The following OSBPL5 variants were observed in gnomAD, a reference collection of about 807,000 sequenced individuals.
OSBPL5 encodes oxysterol-binding protein-related protein 5.
Under a neutral mutation model 111.2 loss-of-function variants are expected in OSBPL5, and 71 were observed. The observed-to-expected ratio is 0.64, with a 90% confidence interval of 0.53 to 0.78. The LOEUF (loss-of-function observed/expected upper bound fraction) is 0.78. OSBPL5 is among the 30% of genes least tolerant of loss of function. OSBPL5 has a pLI of 0.00. For synonymous variants in OSBPL5, 549 were observed against 513.9 expected (o/e 1.07, Z -0.93); for missense variants, 1,210 against 1,189.3 (o/e 1.02, Z -0.26).
At chr11:3,114,367 G>C (rs1310120713) in intron 7 of OSBPL5, among the ~76,000 whole-genome samples, 1 of 151,972 alleles carries the variant, frequency 6.6e-6, no homozygotes, top group Non-Finnish European at 1.5e-5. Context: ...TAGTCCTAGA[G>C]TAAAATGACT....
In OSBPL5 at chr11:3,088,056, C is replaced by CT; in HGVS notation, c.*148dup. 5 of 732,718 alleles carry CT rather than the reference C, an allele frequency of 6.8e-6. No homozygotes were observed. Among genetic ancestry groups the CT allele is most frequent in the South Asian group, 2.6e-5 (1 of 38,930 alleles). The allele number at this position is 732,718 out of a possible 1,614,324, so 45.4% of individuals were successfully genotyped here. A position where few individuals can be genotyped will look rare whatever the true frequency, so the allele number is the denominator to read the frequency against. On this transcript the variant is annotated 3_prime_UTR_variant, in exon 22 of 22. Transcript: ENST00000263650. ...CCCAGCACACCTGGGCCCGCAGCGC[C>CT]TTGTGGCCCCGGGTCCCTCCTGCGC...
At chr11:3,103,754 C>T (rs1857556635) in intron 10 of OSBPL5, among the ~76,000 whole-genome samples, 1 of 36,680 alleles carries the variant, frequency 2.7e-5, no homozygotes, top group African/African-American at 8.1e-5. Flanking sequence ...AACCCTCTTC[C>T]AGCTCTGCAG....
intron 1 of OSBPL5, among the ~76,000 whole-genome samples, chr11:3,158,646 A>G (rs930137664): frequency 3.3e-5 from 5 of 152,250 alleles, no homozygotes; most frequent in Admixed American, 1.3e-4. Context: ...GGTCAGTGAC[A>G]CATGAGGCCT....
intron 1 of OSBPL5, among the ~76,000 whole-genome samples, chr11:3,143,581 C>A (rs1489956142): frequency 6.6e-6 from 1 of 152,228 alleles, no homozygotes; most frequent in African/African-American, 2.4e-5. Context: ...CAGAGATGCA[C>A]CAAGTCAAAG....
intron 1 of OSBPL5, among the ~76,000 whole-genome samples, chr11:3,135,044 GCTC>G (rs1845911872): frequency 6.6e-6 from 1 of 152,218 alleles, no homozygotes; most frequent in Non-Finnish European, 1.5e-5. Context: ...TCTGCAGGGG[GCTC>G]CTCCTTCTTC....
chr11:3,160,546 C>T (rs1467914106), intron 1 of OSBPL5, among the ~76,000 whole-genome samples: 1 of 152,216 alleles, frequency 6.6e-6, no homozygotes, highest in Non-Finnish European at 1.5e-5. Context: ...TCTTATTCGC[C>T]GCAATAGCTG....
rs534754244 is a variant in OSBPL5, at chr11:3,106,481, G to A, written c.1059+782C>T. Among the ~76,000 whole-genome samples, 2 of 151,948 alleles carry A rather than the reference G, an allele frequency of 1.3e-5. No individual in the cohort carries two copies. Among genetic ancestry groups the A allele is most frequent in the East Asian group, 3.9e-4 (2 of 5,128 alleles). On this transcript the variant is annotated intron_variant, in intron 9 of 21. Transcript: ENST00000263650. The surrounding 1 kb of genome is among the most constrained non-coding windows in gnomAD (Gnocchi z 8.4). ...CACCCAGCGGAAGCTTAGATCCTGT[G>A]ATTCCTTCCGGACTCCCCTTCCTGA...
intron 19 of OSBPL5, among the ~76,000 whole-genome samples, chr11:3,091,034 G>A (rs543654292): frequency 2.0e-3 from 310 of 152,364 alleles, no homozygotes; most frequent in African/African-American, 6.9e-3. Flanking sequence ...GGGGGCCGAG[G>A]GTGGTTCTGA....
chr11:3,143,635 C>T (rs552883699), intron 1 of OSBPL5, among the ~76,000 whole-genome samples: 89 of 152,374 alleles, frequency 5.8e-4, no homozygotes, highest in African/African-American at 1.9e-3. Context: ...TCCACGCCCA[C>T]GCAGTGTCCA....
chr11:3,128,891 C>G, intron 2 of OSBPL5, 122 bp downstream of exon 2: 2 of 957,718 alleles, frequency 2.1e-6, no homozygotes, highest in Non-Finnish European at 2.8e-6. Context: ...ATCATGAAAC[C>G]CACACAGTCC....
intron 12 of OSBPL5, 25 bp downstream of exon 12, chr11:3,102,157 GC>G (rs749782749): frequency 8.3e-6 from 13 of 1,567,006 alleles, no homozygotes; most frequent in Non-Finnish European, 3.5e-6. Flanking sequence ...CAGCACCCAG[GC>G]CGGTTGCAGC....
Position 3,140,481 on chromosome 11 carries a change from G to A in OSBPL5, c.-21-11312C>T, listed in dbSNP as rs532824464. 6.6e-6 allele frequency among the ~76,000 whole-genome samples: 1 copy of A among 152,226 alleles called. No individual in the cohort carries two copies. Among genetic ancestry groups the A allele is most frequent in the Admixed American group, 6.5e-5 (1 of 15,296 alleles). ...ACACTCAGGGGTCCCAGTCTGAGGG[G>A]GAACACAAGGCCTTGACCTGGTAGC... On this transcript the variant is annotated intron_variant, in intron 1 of 21. Coordinates refer to ENST00000263650, the MANE Select transcript of OSBPL5 (RefSeq NM_020896.4). The surrounding 1 kb of genome is among the most constrained non-coding windows in gnomAD (Gnocchi z 4.5).
chr11:3,094,240 G>A lies in OSBPL5; in HGVS notation c.1716C>T (p.Leu572=), dbSNP rs777245996. The change falls in exon 15 of 22, where the codon CTC becomes CTT. Residue 572 remains leucine, a synonymous_variant. Coordinates refer to ENST00000263650, the MANE Select transcript of OSBPL5 (RefSeq NM_020896.4). ...CCCAGGCTGCAGCCAGCGCTACCTT[G>A]AGTTTGAATTCCAGCTGGGCCTGGA... is the stretch of plus-strand genomic sequence containing the variant. ...NNFQAQLEFK[L]KPFFGGSTSI... 1 of 1,613,300 alleles carries A rather than the reference G, an allele frequency of 6.2e-7. No homozygotes were observed. Among genetic ancestry groups the A allele is most frequent in the Non-Finnish European group, 8.5e-7 (1 of 1,179,858 alleles).
chr11:3,095,310 C>CAAAAAAA (rs60973769), intron 14 of OSBPL5, among the ~76,000 whole-genome samples: 2 of 105,696 alleles, frequency 1.9e-5, no homozygotes, highest in African/African-American at 6.9e-5. Context: ...GACTCTGTCT[C>CAAAAAAA]AAAAAAAAAA....
In OSBPL5 at chr11:3,106,903, GC is replaced by G; in HGVS notation, c.1059+359del. Among the ~76,000 whole-genome samples the G allele has an allele frequency of 6.6e-6, 1 of 152,288 alleles. No homozygotes were observed. The highest frequency in any genetic ancestry group is 1.9e-4 in the East Asian group (1 of 5,170). On this transcript the variant is annotated intron_variant, in intron 9 of 21. Transcript: ENST00000263650. The surrounding 1 kb of genome is among the most constrained non-coding windows in gnomAD (Gnocchi z 8.4). ...CTCAGGTCCACACGCCCTCCTCTGC[GC>G]TCCTCCAGGAAGTGGGGCCGCCCAG... is the stretch of plus-strand genomic sequence containing the variant.
At chr11:3,122,228 G>A (rs1195120727) in intron 4 of OSBPL5, 120 bp downstream of exon 4, 4 of 1,332,030 alleles carry the variant, frequency 3.0e-6, no homozygotes, top group Non-Finnish European at 4.2e-6. Context: ...TAGGGGGTGT[G>A]GAGGCGACCA....
At chr11:3,143,060 C>T (rs1225492600) in intron 1 of OSBPL5, among the ~76,000 whole-genome samples, 1 of 53,616 alleles carries the variant, frequency 1.9e-5, no homozygotes, top group Non-Finnish European at 3.8e-5. Flanking sequence ...AGGTGCGGAG[C>T]GGGGCAGAGG....
chr11:3,152,761 C>T (rs577908765), intron 1 of OSBPL5, among the ~76,000 whole-genome samples: 30 of 151,620 alleles, frequency 2.0e-4, no homozygotes, highest in East Asian at 1.8e-3. Flanking sequence ...CTGTCAATAC[C>T]GTGTGATCCA....
intron 6 of OSBPL5, 81 bp from the exon 7 acceptor site, chr11:3,119,712 A>C: frequency 7.2e-7 from 1 of 1,381,072 alleles, no homozygotes; most frequent in South Asian, 1.4e-5. Context: ...AACCATGCGG[A>C]TCCACACCTG....
Sources: allele counts gnomAD v4.1 joint callset (sites outside exome capture counted in the v4.1 genomes callset), GRCh38; gene constraint gnomAD v4.1.1; non-coding constraint Gnocchi (gnomAD v3.1); transcripts MANE v1.5; gene names NCBI Gene and HGNC (gene_info 2026-07-23, HGNC 2026-07-21).